The following TMEM117 variants were observed in gnomAD, a reference collection of about 807,000 sequenced individuals.
TMEM117 encodes transmembrane protein 117.
Under a neutral mutation model 52.4 loss-of-function variants are expected in TMEM117, and 27 were observed. That is an observed-to-expected ratio of 0.51 (90% CI 0.38 to 0.71). TMEM117 has a LOEUF of 0.71. Ranked by LOEUF, TMEM117 falls within the 30% of genes least tolerant of loss-of-function variation. TMEM117 has a pLI of 0.00. For missense variants in TMEM117, 556 were observed against 630.5 expected (o/e 0.88, Z 1.26); for synonymous variants, 215 against 206.3 (o/e 1.04, Z -0.36).
Position 44,299,200 on chromosome 12 carries a change from G to A in TMEM117, c.609-380G>A, listed in dbSNP as rs1323407240. Among the ~76,000 whole-genome samples the A allele has an allele frequency of 2.0e-5, 3 of 147,058 alleles. No homozygotes were observed. The East Asian group carries it at 6.0e-4, about 29-fold the overall frequency. On this transcript the variant is annotated intron_variant, in intron 5 of 7. Transcript: ENST00000266534. Reference sequence around the variant, plus strand: ...GGCTGGAGTGCAGTGGCGCAATCTCGGCTCACTGCAAACTCCACCTCCCAG... The same window carrying A: ...GGCTGGAGTGCAGTGGCGCAATCTCAGCTCACTGCAAACTCCACCTCCCAG...
At chr12:44,311,437 A>T (rs11182465) in intron 6 of TMEM117, among the ~76,000 whole-genome samples, 2 of 152,002 alleles carry the variant, frequency 1.3e-5, no homozygotes, top group African/African-American at 4.8e-5. Context: ...CCTTCTAAAG[A>T]GGGTGAATGC....
chr12:44,366,864 A>C (rs1290798836), intron 6 of TMEM117, among the ~76,000 whole-genome samples: 1 of 152,100 alleles, frequency 6.6e-6, no homozygotes, highest in East Asian at 1.9e-4. Context: ...TGTTTTTTAG[A>C]AGAACAGCCA....
chr12:44,078,869 C>A (rs562223892), intron 3 of TMEM117, among the ~76,000 whole-genome samples: 1 of 143,320 alleles, frequency 7.0e-6, no homozygotes, highest in Non-Finnish European at 1.5e-5. Context: ...AGCACCCCCC[C>A]ACCCCCCAAC....
intron 3 of TMEM117, among the ~76,000 whole-genome samples, chr12:44,012,919 A>G (rs1946316515): frequency 6.6e-6 from 1 of 152,086 alleles, no homozygotes; most frequent in African/African-American, 2.4e-5. Context: ...AAAGAAGTGC[A>G]CTAAATAGGC....
At chr12:44,018,287 A>G (rs1161765185) in intron 3 of TMEM117, among the ~76,000 whole-genome samples, 3 of 152,210 alleles carry the variant, frequency 2.0e-5, no homozygotes, top group African/African-American at 7.2e-5. Context: ...TCGTTCAAAA[A>G]TTCATTTTTT....
At position 43,944,314 on chromosome 12, in the gene TMEM117, A is replaced by G; in HGVS notation, c.382A>G (p.Thr128Ala). 1.2e-6 allele frequency: 2 copies of G among 1,612,434 alleles called. No homozygotes were observed. The highest frequency in any genetic ancestry group is 1.7e-6 in the Non-Finnish European group (2 of 1,178,810). ...CTTCATATTTTCTCACATATACAAC[A>G]CGATTCTTCTAATGGATGGGAACAT... The part of the protein sequence containing the change: ...FLFIFSHIYN[T>A]ILLMDGNMGA... Residue 128 changes from threonine to alanine, a missense_variant, in exon 3 of 8, where the codon ACG (threonine) becomes GCG (alanine). Physicochemically the swap from Thr to Ala is moderately conservative, Grantham distance 58. This residue lies in a region of TMEM117 where 328 missense variants were observed against 371.4 expected (regional missense o/e 0.88). Transcript: ENST00000266534.
At chr12:43,879,966 C>T (rs1943867449) in intron 2 of TMEM117, among the ~76,000 whole-genome samples, 1 of 152,162 alleles carries the variant, frequency 6.6e-6, no homozygotes, top group Non-Finnish European at 1.5e-5. Flanking sequence ...GGAAGGAAAT[C>T]TGTTTCTACC....
At chr12:44,276,702 T>C (rs1950515544) in intron 5 of TMEM117, among the ~76,000 whole-genome samples, 2 of 152,220 alleles carry the variant, frequency 1.3e-5, no homozygotes. Flanking sequence ...TAAGCCATTC[T>C]GCATTGTATT....
At chr12:43,957,254 A>G (rs1292206593) in intron 3 of TMEM117, among the ~76,000 whole-genome samples, 2 of 152,110 alleles carry the variant, frequency 1.3e-5, no homozygotes, top group Admixed American at 6.6e-5. Flanking sequence ...ACCATGGCAT[A>G]CATTTACCTA....
chr12:44,283,033 G>A (rs1950597260), intron 5 of TMEM117, among the ~76,000 whole-genome samples: 1 of 152,256 alleles, frequency 6.6e-6, no homozygotes, highest in South Asian at 2.1e-4. Flanking sequence ...GCTCCCACGT[G>A]GTGTGGAGCC....
At chr12:44,164,714 G>T (rs1233154044) in intron 4 of TMEM117, among the ~76,000 whole-genome samples, 1 of 152,084 alleles carries the variant, frequency 6.6e-6, no homozygotes, top group Non-Finnish European at 1.5e-5. Flanking sequence ...TGATAGAGGG[G>T]GCAATTGAGG....
Position 44,093,370 on chromosome 12 carries a change from T to C in TMEM117, c.411-50155T>C, listed in dbSNP as rs548486168. On this transcript the variant is annotated intron_variant, in intron 3 of 7. Coordinates refer to ENST00000266534, the MANE Select transcript of TMEM117 (RefSeq NM_032256.3). Reference sequence around the variant, plus strand: ...TTTGATAATTATTAATATAATTGTATGATTTTTTAAGTTTCTGAAATGTTT... The same window carrying C: ...TTTGATAATTATTAATATAATTGTACGATTTTTTAAGTTTCTGAAATGTTT... Among the ~76,000 whole-genome samples, 40 of 152,312 alleles carry C rather than the reference T, an allele frequency of 2.6e-4. 1 individual carries two copies. The highest frequency in any genetic ancestry group is 8.9e-4 in the African/African-American group (37 of 41,578).
intron 3 of TMEM117, among the ~76,000 whole-genome samples, chr12:43,965,098 TTTCTATGCTAGTAATG>T (rs1945463674): frequency 6.6e-6 from 1 of 152,338 alleles, no homozygotes; most frequent in Non-Finnish European, 1.5e-5. Context: ...CAGGGCTCCC[TTTCTATGCTAGTAATG>T]TTACAGTGTG....
At chr12:43,856,967 C>A (rs938211301) in intron 2 of TMEM117, among the ~76,000 whole-genome samples, 2 of 152,296 alleles carry the variant, frequency 1.3e-5, no homozygotes, top group East Asian at 3.9e-4. Context: ...AACTTTGTAG[C>A]CCTTTTCAAA....
At chr12:44,249,705 G>T (rs889673292) in intron 5 of TMEM117, among the ~76,000 whole-genome samples, 2 of 152,118 alleles carry the variant, frequency 1.3e-5, no homozygotes, top group Non-Finnish European at 1.5e-5. Context: ...ACAACCATCT[G>T]ATCTTCAACA....
intron 3 of TMEM117, among the ~76,000 whole-genome samples, chr12:44,052,009 G>A (rs1946981844): frequency 6.6e-6 from 1 of 152,164 alleles, no homozygotes; most frequent in South Asian, 2.1e-4. Context: ...ATATTGGTAA[G>A]CTATTTCATT....
intron 5 of TMEM117, among the ~76,000 whole-genome samples, chr12:44,285,290 A>G (rs1450745775): frequency 6.6e-6 from 1 of 152,240 alleles, no homozygotes; most frequent in Admixed American, 6.5e-5. Flanking sequence ...GTAAAGAGAT[A>G]TACAAAGATA....
At chr12:43,899,666 TACTA>T (rs1485686203) in intron 2 of TMEM117, among the ~76,000 whole-genome samples, 1 of 152,198 alleles carries the variant, frequency 6.6e-6, no homozygotes, top group Admixed American at 6.5e-5. Flanking sequence ...GTACACAAGT[TACTA>T]ACTTTTAGCA....
chr12:44,009,439 C>A, intron 3 of TMEM117: 1 of 210,814 alleles, frequency 4.7e-6, no homozygotes, highest in Non-Finnish European at 9.8e-6. Context: ...CTTCAAATGT[C>A]AGCAAACTCT....
Sources: gnomAD v4.1 joint callset for allele counts (sites outside exome capture counted in the v4.1 genomes callset) on GRCh38, gnomAD v4.1.1 for gene constraint, gnomAD v4.1.1 regional missense constraint, MANE v1.5 for transcripts, NCBI Gene and HGNC (gene_info 2026-07-23, HGNC 2026-07-21) for gene names.